Variants in PTPRD observed in about 807,000 individuals in gnomAD.
PTPRD encodes the protein receptor-type tyrosine-protein phosphatase delta.
Under a neutral mutation model 214.5 loss-of-function variants are expected in PTPRD, and 34 were observed. The ratio of observed to expected loss-of-function variants is 0.16; its 90% confidence interval spans 0.12 to 0.21. The LOEUF (loss-of-function observed/expected upper bound fraction) is 0.21. PTPRD is among the 10% of genes least tolerant of loss of function. The pLI is 1.00. For missense variants in PTPRD, 2,545 were observed against 2,398.7 expected (o/e 1.06, Z -1.27); for synonymous variants, 1,128 against 845.7 (o/e 1.33, Z -5.79).
intron 2 of PTPRD, among the ~76,000 whole-genome samples, chr9:10,447,079 T>A (rs570926053): frequency 6.6e-6 from 1 of 152,138 alleles, no homozygotes; most frequent in African/African-American, 2.4e-5. Flanking sequence ...GAGAGAAAAC[T>A]TTTGCCAACT....
chr9:8,744,891 A>G (rs1015249252), intron 11 of PTPRD, among the ~76,000 whole-genome samples: 34 of 152,240 alleles, frequency 2.2e-4, no homozygotes, highest in Non-Finnish European at 4.4e-4. Context: ...AACAATTTAC[A>G]TAGTAGAGAA....
At chr9:9,708,197 T>C (rs2097661868) in intron 7 of PTPRD, among the ~76,000 whole-genome samples, 1 of 144,592 alleles carries the variant, frequency 6.9e-6, no homozygotes, top group Non-Finnish European at 1.5e-5. Flanking sequence ...TTACAGAAAG[T>C]TCTGCAGTTG....
intron 2 of PTPRD, among the ~76,000 whole-genome samples, chr9:10,380,250 CT>C (rs1398320711): frequency 2.0e-5 from 3 of 152,074 alleles, no homozygotes; most frequent in African/African-American, 7.2e-5. Context: ...AAAACGCTGT[CT>C]TTCCTAAAAC....
chr9:10,134,431 A>C (rs1299457501), intron 3 of PTPRD, among the ~76,000 whole-genome samples: 4 of 152,194 alleles, frequency 2.6e-5, no homozygotes, highest in African/African-American at 9.6e-5. Context: ...ACACTGCTGC[A>C]AATGTGTTAA....
At chr9:10,108,530 A>C (rs2098657922) in intron 3 of PTPRD, among the ~76,000 whole-genome samples, 1 of 151,978 alleles carries the variant, frequency 6.6e-6, no homozygotes, top group Non-Finnish European at 1.5e-5. Flanking sequence ...TATAAATTTG[A>C]ACTTCTGAGG....
chr9:8,703,973 T>C (rs2098144031), intron 12 of PTPRD, among the ~76,000 whole-genome samples: 1 of 152,126 alleles, frequency 6.6e-6, no homozygotes, highest in Non-Finnish European at 1.5e-5. Flanking sequence ...TTAACACAAA[T>C]CTGGGAGTCA....
At chr9:9,739,148 T>C (rs2098355045) in intron 6 of PTPRD, among the ~76,000 whole-genome samples, 1 of 152,246 alleles carries the variant, frequency 6.6e-6, no homozygotes, top group African/African-American at 2.4e-5. Flanking sequence ...CATGTGTGTA[T>C]GCATGAATTC....
At chr9:9,191,417 G>A (rs10977558) in intron 9 of PTPRD, among the ~76,000 whole-genome samples, 6 of 151,936 alleles carry the variant, frequency 3.9e-5, no homozygotes, top group African/African-American at 1.2e-4. Context: ...AGTCTCGTGA[G>A]AGGTCTGGAG....
At chr9:9,416,872 T>A (rs889959961) in intron 8 of PTPRD, among the ~76,000 whole-genome samples, 1 of 152,126 alleles carries the variant, frequency 6.6e-6, no homozygotes, top group Non-Finnish European at 1.5e-5. Flanking sequence ...GACCTATTAT[T>A]TCACAATTTT....
chr9:10,546,009 C>A (rs114048483), intron 2 of PTPRD, among the ~76,000 whole-genome samples: 5,287 of 152,130 alleles, frequency 0.035, 117 homozygotes, highest in South Asian at 0.068. Context: ...AACAAAGTAA[C>A]ATTTTTTTTA....
rs994112365 is a variant in PTPRD, at chr9:10,249,443, C to T, written c.-545+91520G>A. ...ATTTTGACCCGGTAATAGCCAAGATCGGACCTCAAAATGTCCCTTCCTTGA... is the reference window on the plus strand; with the variant it reads ...ATTTTGACCCGGTAATAGCCAAGATTGGACCTCAAAATGTCCCTTCCTTGA... On this transcript the variant is annotated intron_variant, in intron 3 of 45. Transcript: ENST00000381196. Among the ~76,000 whole-genome samples, 6 of 152,056 alleles carry T rather than the reference C, an allele frequency of 3.9e-5. No individual in the cohort carries two copies. The East Asian group carries it at 9.7e-4, about 24-fold the overall frequency.
chr9:9,834,841 A>G (rs1011927146), intron 5 of PTPRD, among the ~76,000 whole-genome samples: 2 of 152,018 alleles, frequency 1.3e-5, no homozygotes, highest in African/African-American at 2.4e-5. Context: ...TTGATTGGTG[A>G]TAACAGTTAG....
At chr9:9,888,447 G>A (rs939295363) in intron 5 of PTPRD, among the ~76,000 whole-genome samples, 2 of 152,094 alleles carry the variant, frequency 1.3e-5, no homozygotes, top group South Asian at 2.1e-4. Flanking sequence ...AGTGTTGGAG[G>A]TGGGGGCCTA....
rs190781398 is a variant in PTPRD at position 9,020,915 on chromosome 9, G to A, written c.-142-2180C>T. ...AATAACCAGAATGAGAGTGAAAAGC[G>A]GTTCTAGGGGCCAGAAGCTAATTTT... On this transcript the variant is annotated intron_variant, in intron 10 of 45. Coordinates refer to ENST00000381196, the MANE Select transcript of PTPRD (RefSeq NM_002839.4). 3.0e-4 allele frequency among the ~76,000 whole-genome samples: 45 copies of A among 152,164 alleles called. No individual in the cohort carries two copies. In the East Asian group the frequency reaches 7.2e-3, roughly 24 times the overall value.
At chr9:10,086,942 A>G (rs571385764) in intron 3 of PTPRD, among the ~76,000 whole-genome samples, 1 of 151,816 alleles carries the variant, frequency 6.6e-6, no homozygotes, top group African/African-American at 2.4e-5. Flanking sequence ...CTCCACTTTT[A>G]GGAAATATTA....
At chr9:9,663,591 CT>C (rs950109261) in intron 7 of PTPRD, among the ~76,000 whole-genome samples, 1 of 151,560 alleles carries the variant, frequency 6.6e-6, no homozygotes, top group African/African-American at 2.4e-5. Context: ...ATGTCACCAT[CT>C]AACTTGTTGC....
At chr9:9,742,470 T>C (rs2098414159) in intron 6 of PTPRD, among the ~76,000 whole-genome samples, 1 of 152,208 alleles carries the variant, frequency 6.6e-6, no homozygotes. Flanking sequence ...TGTAATTGAA[T>C]GTATGATTTT....
intron 8 of PTPRD, among the ~76,000 whole-genome samples, chr9:9,522,331 A>ATAG (rs571508202): frequency 3.7e-4 from 57 of 152,274 alleles, no homozygotes; most frequent in African/African-American, 1.3e-3. Flanking sequence ...GCTAAAGCCC[A>ATAG]TAGTAGATGG....
chr9:10,211,766 A>G (rs1237783306), intron 3 of PTPRD, among the ~76,000 whole-genome samples: 2 of 152,150 alleles, frequency 1.3e-5, no homozygotes, highest in Non-Finnish European at 2.9e-5. Context: ...ATGGACATAG[A>G]GCACAGAATA....
Sources: gnomAD v4.1 joint callset for allele counts (sites outside exome capture counted in the v4.1 genomes callset) on GRCh38, gnomAD v4.1.1 for gene constraint, MANE v1.5 for transcripts, NCBI Gene and HGNC (gene_info 2026-07-23, HGNC 2026-07-21) for gene names.